CCDC3: variants seen among roughly 807,000 people sequenced by gnomAD.
CCDC3 encodes the protein coiled-coil domain containing 3.
Under a neutral mutation model 21.4 loss-of-function variants are expected in CCDC3, and 24 were observed. The ratio of observed to expected loss-of-function variants is 1.12; its 90% CI spans 0.81 to 1.58. CCDC3 has a LOEUF of 1.58. CCDC3 is among the 40% of genes most tolerant of loss of function. The probability of loss-of-function intolerance (pLI) is 0.00; values close to 1 mark genes in which losing one functional copy is unlikely to be tolerated. For synonymous variants in CCDC3, 186 were observed against 166.0 expected (o/e 1.12, Z -0.93); for missense variants, 425 against 360.9 (o/e 1.18, Z -1.44).
At chr10:13,071,565 C>T (rs866521943) in intron 4 of CCDC3, among the ~76,000 whole-genome samples, 8 of 152,296 alleles carry the variant, frequency 5.3e-5, no homozygotes, top group South Asian at 4.1e-4. Flanking sequence ...TGGGTAAGAG[C>T]GGATATTCCC....
chr10:13,011,792 A>G (rs1289400271), intron 5 of CCDC3, among the ~76,000 whole-genome samples: 1 of 152,206 alleles, frequency 6.6e-6, no homozygotes, highest in African/African-American at 2.4e-5. Flanking sequence ...GCCCAACTTC[A>G]AACAGTACTA....
chr10:12,958,918 C>T (rs756663425), intron 2 of CCDC3, among the ~76,000 whole-genome samples: 12 of 152,156 alleles, frequency 7.9e-5, no homozygotes, highest in African/African-American at 2.7e-4. Context: ...AGGGGAGAGA[C>T]GCAGTTCTAA....
chr10:12,921,067 C>G (rs78937717), intron 2 of CCDC3, among the ~76,000 whole-genome samples: 8,003 of 152,224 alleles, frequency 0.053, 237 homozygotes, highest in Non-Finnish European at 0.071. Context: ...AGGCAAGCTA[C>G]ATATTATGAT....
At chr10:12,899,424 C>T (rs982226360) in intron 2 of CCDC3, among the ~76,000 whole-genome samples, 2 of 152,130 alleles carry the variant, frequency 1.3e-5, no homozygotes, top group African/African-American at 2.4e-5. Flanking sequence ...GTCAAAATAA[C>T]TGCATATACC....
chr10:12,999,972 G>A (rs1270259622), intron 1 of CCDC3, among the ~76,000 whole-genome samples: 1 of 152,168 alleles, frequency 6.6e-6, no homozygotes, highest in Non-Finnish European at 1.5e-5. Context: ...AACCACTCAA[G>A]CCAACACAAA....
chr10:12,962,761 GA>G (rs1272287436), intron 2 of CCDC3, among the ~76,000 whole-genome samples: 1 of 152,224 alleles, frequency 6.6e-6, no homozygotes, highest in Non-Finnish European at 1.5e-5. Flanking sequence ...TTTTAAGTGT[GA>G]AAAACACTCA....
chr10:13,001,493 G>A lies in CCDC3; in HGVS notation c.78C>T (p.Ser26=), dbSNP rs760788320. ...PAPARACQLP[S]EWRPLSEGCR... is the part of the protein sequence containing the mutation. ...AGCCCTCGCTCAGGGGCCTCCACTC[G>A]GAGGGCAGCTGGCAGGCGCGCGCGG... Residue 26 remains serine (S), a synonymous_variant, in exon 1 of 3, where the codon TCC becomes TCT. Coordinates refer to ENST00000378825, the MANE Select transcript of CCDC3 (RefSeq NM_031455.4). 1.8e-5 allele frequency: 24 copies of A among 1,354,234 alleles called. No homozygotes were observed. Among genetic ancestry groups the A allele is most frequent in the Non-Finnish European group, 4.7e-6 (5 of 1,055,628 alleles). The allele number at this position is 1,354,234 out of a possible 1,614,324, so 83.9% of individuals were successfully genotyped here.
intron 2 of CCDC3, 146 bp from the exon 3 acceptor site, chr10:12,898,825 C>A (rs1834050701): frequency 2.1e-6 from 2 of 953,326 alleles, no homozygotes; most frequent in South Asian, 3.6e-5. Context: ...CCCAGGATGT[C>A]CTTGACGGTG....
At chr10:13,010,548 G>C (rs1006268570) in intron 5 of CCDC3, among the ~76,000 whole-genome samples, 1 of 152,126 alleles carries the variant, frequency 6.6e-6, no homozygotes, top group Non-Finnish European at 1.5e-5. Flanking sequence ...AAGCACTTTG[G>C]AAAACAACTT....
At chr10:13,015,471 G>A (rs1836044149) in intron 5 of CCDC3, among the ~76,000 whole-genome samples, 2 of 151,894 alleles carry the variant, frequency 1.3e-5, no homozygotes, top group South Asian at 2.1e-4. Flanking sequence ...TCATCACAGC[G>A]GTTACTGTGA....
intron 2 of CCDC3, among the ~76,000 whole-genome samples, chr10:12,904,648 C>T (rs1834144482): frequency 6.6e-6 from 1 of 151,840 alleles, no homozygotes; most frequent in East Asian, 1.9e-4. Context: ...GGGACAAATC[C>T]GTGGAGAGCT....
At chr10:12,914,058 G>A (rs1834310494) in intron 2 of CCDC3, among the ~76,000 whole-genome samples, 1 of 152,114 alleles carries the variant, frequency 6.6e-6, no homozygotes, top group Non-Finnish European at 1.5e-5. Context: ...TTTTTATAGT[G>A]TTTTTGTCTG....
chr10:12,937,547 C>T (rs186842052), intron 2 of CCDC3, among the ~76,000 whole-genome samples: 2 of 152,118 alleles, frequency 1.3e-5, no homozygotes, highest in African/African-American at 2.4e-5. Flanking sequence ...ACTGCAGCCT[C>T]GACCTCCTGG....
At chr10:13,038,685 C>A (rs528052647) in intron 5 of CCDC3, among the ~76,000 whole-genome samples, 1 of 152,218 alleles carries the variant, frequency 6.6e-6, no homozygotes, top group African/African-American at 2.4e-5. Context: ...TATTTACAGA[C>A]AGAGAGCTCA....
At chr10:13,059,872 G>C (rs1465444964) in intron 4 of CCDC3, among the ~76,000 whole-genome samples, 2 of 152,106 alleles carry the variant, frequency 1.3e-5, no homozygotes, top group African/African-American at 4.8e-5. Flanking sequence ...GGCGGATCAT[G>C]AGGTCAGGAG....
At chr10:13,076,533 G>A (rs548047657) in intron 3 of CCDC3, among the ~76,000 whole-genome samples, 1 of 152,208 alleles carries the variant, frequency 6.6e-6, no homozygotes, top group Non-Finnish European at 1.5e-5. Flanking sequence ...AGAAGTAATA[G>A]TTCCTTTTAA....
intron 4 of CCDC3, among the ~76,000 whole-genome samples, chr10:13,054,988 AT>A (rs1232747604): frequency 6.6e-6 from 1 of 152,114 alleles, no homozygotes; most frequent in Non-Finnish European, 1.5e-5. Context: ...ATTTCTTATG[AT>A]TCTGAGGGTG....
intron 3 of CCDC3, among the ~76,000 whole-genome samples, chr10:13,081,189 T>C (rs1320681073): frequency 6.7e-6 from 1 of 150,276 alleles, no homozygotes; most frequent in Admixed American, 6.6e-5. Context: ...AAAATACCTA[T>C]AGGTTGCCTT....
intron 4 of CCDC3, among the ~76,000 whole-genome samples, chr10:13,063,487 T>A (rs1836786565): frequency 1.3e-5 from 2 of 152,202 alleles, no homozygotes; most frequent in African/African-American, 4.8e-5. Context: ...CAGATAGGAA[T>A]GCTTTATGTG....
Sources: allele counts gnomAD v4.1 joint callset (sites outside exome capture counted in the v4.1 genomes callset), GRCh38; gene constraint gnomAD v4.1.1; transcripts MANE v1.5; gene names NCBI Gene and HGNC (gene_info 2026-07-23, HGNC 2026-07-21).